Variants in LTBP2 observed in about 807,000 individuals in gnomAD.
LTBP2 encodes the protein latent transforming growth factor beta binding protein 2.
In LTBP2, 103 loss-of-function variants were observed where a neutral mutation model predicts 210.6. The observed-to-expected ratio is 0.49, with a 90% confidence interval of 0.42 to 0.58. The LOEUF is 0.58. Among genes scored for constraint, LTBP2 ranks in the 20% least tolerant of loss-of-function variants. The pLI is 0.00. For missense variants in LTBP2, 2,313 were observed against 2,494.5 expected (o/e 0.93, Z 1.55); for synonymous variants, 1,007 against 1,015.0 (o/e 0.99, Z 0.15).
intron 8 of LTBP2, among the ~76,000 whole-genome samples, chr14:74,541,790 AAGG>A (rs895846536): frequency 8.5e-5 from 13 of 152,212 alleles, no homozygotes; most frequent in African/African-American, 2.6e-4. Flanking sequence ...GGATACTCAG[AAGG>A]AGGTCAGAAG....
intron 2 of LTBP2, among the ~76,000 whole-genome samples, chr14:74,592,556 G>A (rs144996967): frequency 6.6e-6 from 1 of 152,056 alleles, no homozygotes; most frequent in African/African-American, 2.4e-5. Context: ...AAATTAGCTG[G>A]GTGTGATGGT....
chr14:74,518,362 G>A (rs1313611278), intron 17 of LTBP2, among the ~76,000 whole-genome samples: 2 of 152,006 alleles, frequency 1.3e-5, no homozygotes, highest in South Asian at 2.1e-4. Context: ...TTGCATGACC[G>A]GCCCCAGCCT....
At chr14:74,510,303 C>T in intron 19 of LTBP2, 90 bp from the exon 20 acceptor site, 3 of 1,580,610 alleles carry the variant, frequency 1.9e-6, no homozygotes, top group Non-Finnish European at 2.6e-6. Context: ...GTTATGAGGC[C>T]AGGGAACCAG....
chr14:74,582,380 GCACACACACACATACATA>G (rs1276973606), intron 3 of LTBP2, among the ~76,000 whole-genome samples: 59 of 127,984 alleles, frequency 4.6e-4, no homozygotes, highest in Non-Finnish European at 7.9e-4. Flanking sequence ...CTGTGTACAT[GCACACACACACATACATA>G]CACACACACA....
At chr14:74,604,164 C>CAAAAAAAAAAAAAACAAAAA (rs2088489420) in intron 1 of LTBP2, among the ~76,000 whole-genome samples, 1 of 72,750 alleles carries the variant, frequency 1.4e-5, no homozygotes, top group African/African-American at 7.5e-5. Flanking sequence ...TGCCTCTCAC[C>CAAAAAAAAAAAAAACAAAAA]AAAAAAAAAA....
chr14:74,600,257 C>T (rs1171276608), intron 2 of LTBP2, among the ~76,000 whole-genome samples: 2 of 152,232 alleles, frequency 1.3e-5, no homozygotes, highest in Non-Finnish European at 2.9e-5. Flanking sequence ...CTGCCACGGG[C>T]GAGCCAACTT....
chr14:74,562,603 AG>A (rs1851722498), intron 3 of LTBP2, among the ~76,000 whole-genome samples: 1 of 152,112 alleles, frequency 6.6e-6, no homozygotes, highest in Admixed American at 6.6e-5. Context: ...AAAATCAGCA[AG>A]GAATATGAAC....
intron 8 of LTBP2, among the ~76,000 whole-genome samples, chr14:74,542,827 C>T (rs1292158473): frequency 1.3e-5 from 2 of 148,910 alleles, no homozygotes; most frequent in Admixed American, 6.7e-5. Context: ...AGTGCAGTGG[C>T]GCGATCTCAG....
At chr14:74,546,407 G>A (rs922479451) in intron 8 of LTBP2, among the ~76,000 whole-genome samples, 5 of 152,168 alleles carry the variant, frequency 3.3e-5, no homozygotes, top group African/African-American at 7.2e-5. Context: ...GGCATGAAGC[G>A]AGGTGCCTGG....
intron 19 of LTBP2, among the ~76,000 whole-genome samples, chr14:74,510,518 T>C (rs1382727346): frequency 6.6e-6 from 1 of 152,222 alleles, no homozygotes; most frequent in Non-Finnish European, 1.5e-5. Context: ...AAATGAGGTG[T>C]CCAAGACCCT....
At chr14:74,550,547 G>T (rs1252951766) in intron 7 of LTBP2, among the ~76,000 whole-genome samples, 1 of 152,172 alleles carries the variant, frequency 6.6e-6, no homozygotes, top group Admixed American at 6.5e-5. Context: ...TGGGTGCCTG[G>T]CCTCAGAAAA....
rs749278808 is a variant in LTBP2, at chr14:74,505,185, C to G, written c.4178-11G>C. Reference sequence around the variant, plus strand: ...CAGACATACTCTGACCTGTGCGTGACAGATGCTCATTACTGTCTGTTCATG... The same window carrying G: ...CAGACATACTCTGACCTGTGCGTGAGAGATGCTCATTACTGTCTGTTCATG... On this transcript the variant is annotated splice_polypyrimidine_tract_variant and intron_variant, in intron 28 of 35. Coordinates refer to ENST00000261978, the MANE Select transcript of LTBP2 (RefSeq NM_000428.3). 6.2e-7 allele frequency: 1 copy of G among 1,611,732 alleles called. No homozygotes were observed. The highest frequency in any genetic ancestry group is 8.5e-7 in the Non-Finnish European group (1 of 1,179,964).
chr14:74,610,476 C>G lies in LTBP2; in HGVS notation c.494+975G>C, dbSNP rs1404769548. ...TTCATGCTGTTCCCCAGGACTAAACCCAACTGGCAAATCGGGCCCAGGCAA... is the reference window on the plus strand; with the variant it reads ...TTCATGCTGTTCCCCAGGACTAAACGCAACTGGCAAATCGGGCCCAGGCAA... On this transcript the variant is annotated intron_variant, in intron 1 of 35. Coordinates refer to ENST00000261978, the MANE Select transcript of LTBP2 (RefSeq NM_000428.3). Among the ~76,000 whole-genome samples the G allele has an allele frequency of 2.0e-5, 3 of 152,204 alleles. No homozygotes were observed. The South Asian group carries it at 6.2e-4, about 31-fold the overall frequency.
chr14:74,505,556 ACCCCAG>A (rs1196789201), intron 28 of LTBP2, among the ~76,000 whole-genome samples: 1 of 151,690 alleles, frequency 6.6e-6, no homozygotes, highest in Non-Finnish European at 1.5e-5. Flanking sequence ...CTTCACATGT[ACCCCAG>A]CCCCTCCCAC....
At chr14:74,537,546 T>C (rs771477676) in intron 8 of LTBP2, among the ~76,000 whole-genome samples, 10 of 152,226 alleles carry the variant, frequency 6.6e-5, no homozygotes, top group Non-Finnish European at 7.3e-5. Flanking sequence ...TTTGTGGCAA[T>C]AGCTTGTCTC....
At chr14:74,546,700 C>T (rs2087581214) in intron 8 of LTBP2, among the ~76,000 whole-genome samples, 1 of 152,212 alleles carries the variant, frequency 6.6e-6, no homozygotes, top group Non-Finnish European at 1.5e-5. Flanking sequence ...GTTCTGCACG[C>T]ACCTGATCCA....
At chr14:74,544,125 CAA>C (rs775256175) in intron 8 of LTBP2, among the ~76,000 whole-genome samples, 80 of 152,174 alleles carry the variant, frequency 5.3e-4, no homozygotes, top group Admixed American at 8.5e-4. Context: ...ATCTCTGAGC[CAA>C]AGAGACACTG....
chr14:74,559,563 C>G (rs570877702), intron 3 of LTBP2, among the ~76,000 whole-genome samples: 2 of 152,276 alleles, frequency 1.3e-5, no homozygotes, highest in African/African-American at 4.8e-5. Context: ...GTTCTTGGCT[C>G]AACTCTGGAT....
intron 1 of LTBP2, among the ~76,000 whole-genome samples, chr14:74,608,690 G>A (rs1256836245): frequency 7.0e-6 from 1 of 143,236 alleles, no homozygotes; most frequent in Non-Finnish European, 1.5e-5. Context: ...GAGTGACAGG[G>A]CAAGAGACTC....
Sources: gnomAD v4.1 joint callset for allele counts (sites outside exome capture counted in the v4.1 genomes callset) on GRCh38, gnomAD v4.1.1 for gene constraint, MANE v1.5 for transcripts, NCBI Gene and HGNC (gene_info 2026-07-23, HGNC 2026-07-21) for gene names.